ADGRB3: variants seen among roughly 807,000 people sequenced by gnomAD.
The protein encoded by ADGRB3 is brain-specific angiogenesis inhibitor 3.
ADGRB3 carries 37 observed loss-of-function variants against 193.4 expected under a neutral mutation model. The ratio of observed to expected loss-of-function variants is 0.19; its 90% CI spans 0.15 to 0.25. The LOEUF (loss-of-function observed/expected upper bound fraction) is 0.25, where lower values mean the gene tolerates loss of function less well. Ranked by LOEUF, ADGRB3 falls within the 10% of genes least tolerant of loss-of-function variation. The probability of loss-of-function intolerance (pLI) is 1.00; values close to 1 mark genes in which losing one functional copy is unlikely to be tolerated. For synonymous variants in ADGRB3, 690 were observed against 644.2 expected (o/e 1.07, Z -1.08); for missense variants, 1,637 against 1,852.9 (o/e 0.88, Z 2.14).
At chr6:69,312,378 G>A (rs1163691719) in intron 20 of ADGRB3, among the ~76,000 whole-genome samples, 1 of 151,670 alleles carries the variant, frequency 6.6e-6, no homozygotes, top group Admixed American at 6.6e-5. Context: ...GGAGATAGTA[G>A]GCTTGAAATA....
At chr6:68,863,959 G>C (rs964005314) in intron 3 of ADGRB3, among the ~76,000 whole-genome samples, 3 of 152,074 alleles carry the variant, frequency 2.0e-5, no homozygotes, top group African/African-American at 7.2e-5. Context: ...TCTGCTATTG[G>C]AGTTGTGTCT....
intron 3 of ADGRB3, among the ~76,000 whole-genome samples, chr6:68,881,366 C>A (rs1395374199): frequency 6.6e-6 from 1 of 152,050 alleles, no homozygotes; most frequent in African/African-American, 2.4e-5. Flanking sequence ...TCAATATATG[C>A]CTTTTTTCCA....
In ADGRB3 at chr6:69,079,464, A is replaced by G. The variant is rs370285515; in HGVS notation, c.2480+3426A>G. 6.6e-5 allele frequency among the ~76,000 whole-genome samples: 10 copies of G among 152,240 alleles called. No individual in the cohort carries two copies. The East Asian group carries it at 1.4e-3, about 21-fold the overall frequency. On this transcript the variant is annotated intron_variant, in intron 17 of 31. Coordinates refer to ENST00000370598, the MANE Select transcript of ADGRB3 (RefSeq NM_001704.3). ...ACTATTTATGGCAAACCTACAGCCAATATCATACTGAATGGGCAAAAGCTA... is the reference window on the plus strand; with the variant it reads ...ACTATTTATGGCAAACCTACAGCCAGTATCATACTGAATGGGCAAAAGCTA...
intron 13 of ADGRB3, among the ~76,000 whole-genome samples, chr6:69,033,950 G>A (rs1476987564): frequency 6.6e-6 from 1 of 151,976 alleles, no homozygotes; most frequent in Non-Finnish European, 1.5e-5. Context: ...TGTTCACAAG[G>A]GAGTGATTTA....
intron 17 of ADGRB3, among the ~76,000 whole-genome samples, chr6:69,124,426 A>G (rs1414182639): frequency 6.6e-6 from 1 of 152,186 alleles, no homozygotes; most frequent in African/African-American, 2.4e-5. Context: ...AGAATTCTGT[A>G]GCGGCCAACT....
intron 17 of ADGRB3, chr6:69,232,514 G>T: frequency 2.6e-6 from 4 of 1,535,544 alleles, no homozygotes; most frequent in African/African-American, 2.7e-5. Flanking sequence ...ATGTTCTAGC[G>T]GACTTGGGGT....
chr6:68,962,444 A>G (rs536287122), intron 8 of ADGRB3, among the ~76,000 whole-genome samples: 6 of 152,282 alleles, frequency 3.9e-5, no homozygotes, highest in African/African-American at 1.4e-4. Flanking sequence ...AATTATTGTC[A>G]TAATTCATTT....
chr6:68,771,429 C>T (rs1766616479), intron 3 of ADGRB3, among the ~76,000 whole-genome samples: 1 of 151,950 alleles, frequency 6.6e-6, no homozygotes, highest in Non-Finnish European at 1.5e-5. Context: ...TATACACACA[C>T]ATACATATGT....
At chr6:68,859,447 G>T (rs535895103) in intron 3 of ADGRB3, among the ~76,000 whole-genome samples, 6 of 152,134 alleles carry the variant, frequency 3.9e-5, no homozygotes, top group Non-Finnish European at 8.8e-5. Flanking sequence ...TACTGTATTC[G>T]TCTGTTCTCA....
chr6:69,383,024 A>T, intron 31 of ADGRB3, 89 bp downstream of exon 31: 1 of 824,866 alleles, frequency 1.2e-6, no homozygotes, highest in East Asian at 3.0e-5. Flanking sequence ...TGGTGGGAAC[A>T]TAAGATGAGT....
At chr6:68,711,553 G>T (rs1039789032) in intron 3 of ADGRB3, among the ~76,000 whole-genome samples, 1 of 151,998 alleles carries the variant, frequency 6.6e-6, no homozygotes, top group Non-Finnish European at 1.5e-5. Context: ...TGCATAAATG[G>T]TCCTCTGCCA....
At chr6:69,038,517 A>T (rs939069056) in intron 13 of ADGRB3, among the ~76,000 whole-genome samples, 1 of 152,146 alleles carries the variant, frequency 6.6e-6, no homozygotes, top group Non-Finnish European at 1.5e-5. Context: ...TTTGTTTTTA[A>T]TCTTCAGAGA....
intron 16 of ADGRB3, among the ~76,000 whole-genome samples, chr6:69,071,482 C>T (rs2150311069): frequency 6.6e-6 from 1 of 152,212 alleles, no homozygotes; most frequent in South Asian, 2.1e-4. Context: ...AGTGAAGTCA[C>T]TCAAGAGTGG....
At chr6:69,093,763 A>C (rs1772786493) in intron 17 of ADGRB3, among the ~76,000 whole-genome samples, 1 of 151,930 alleles carries the variant, frequency 6.6e-6, no homozygotes, top group East Asian at 1.9e-4. Context: ...GCCTAAGTTC[A>C]GGGGGATAGG....
intron 20 of ADGRB3, among the ~76,000 whole-genome samples, chr6:69,256,364 C>A (rs1396280183): frequency 6.6e-6 from 1 of 152,116 alleles, no homozygotes; most frequent in African/African-American, 2.4e-5. Context: ...TTGTTTGTAT[C>A]CTCTTTGATT....
chr6:69,175,996 A>G (rs1428445830), intron 17 of ADGRB3, among the ~76,000 whole-genome samples: 3 of 152,194 alleles, frequency 2.0e-5, no homozygotes, highest in Admixed American at 6.5e-5. Context: ...TTTTGTATCT[A>G]GAAACTTTAC....
At position 69,338,983 on chromosome 6, in the gene ADGRB3, G is replaced by A. The variant is rs142709074; in HGVS notation, c.3256G>A (p.Ala1086Thr). The A allele has an allele frequency of 1.9e-5, 31 of 1,613,614 alleles. No individual in the cohort carries two copies. The African/African-American group carries it at 3.9e-4, about 20-fold the overall frequency. The stretch of plus-strand genomic sequence containing the variant: ...CAAGTGTGGAGTAGTTTCAACAACA[G>A]CTTTGTCAGCCACCACCGCCAGTAA... The part of the protein sequence containing the change: ...CAKCGVVSTT[A>T]LSATTASNAM... The change falls in exon 25 of 32, where the codon GCT (alanine) becomes ACT (threonine). Residue 1086 changes from alanine (A) to threonine (T), a missense_variant. Around this residue, in one of 7 missense-constraint regions of ADGRB3, gnomAD observed 56 missense variants for 53.3 expected, o/e 1.05. Transcript: ENST00000370598.
At chr6:68,891,630 T>C (rs1766079572) in intron 3 of ADGRB3, among the ~76,000 whole-genome samples, 1 of 152,094 alleles carries the variant, frequency 6.6e-6, no homozygotes, top group Non-Finnish European at 1.5e-5. Flanking sequence ...GTGCCATTAA[T>C]GAAAATAGAG....
chr6:68,820,643 C>G (rs1316569720), intron 3 of ADGRB3, among the ~76,000 whole-genome samples: 1 of 152,022 alleles, frequency 6.6e-6, no homozygotes, highest in East Asian at 1.9e-4. Flanking sequence ...GCTTCTCTCT[C>G]CCTCCACCGT....
Sources: allele counts gnomAD v4.1 joint callset (sites outside exome capture counted in the v4.1 genomes callset), GRCh38; gene constraint gnomAD v4.1.1; regional missense constraint gnomAD v4.1.1; transcripts MANE v1.5; gene names NCBI Gene and HGNC (gene_info 2026-07-23, HGNC 2026-07-21).